The following NFRKB variants were observed in gnomAD, a reference collection of about 807,000 sequenced individuals.
NFRKB encodes nuclear factor related to kappa-B-binding protein.
A neutral mutation model predicts 135.7 loss-of-function variants in NFRKB; 62 were observed. The observed-to-expected ratio is 0.46, with a 90% CI of 0.37 to 0.56. The LOEUF is 0.56. Among genes scored for constraint, NFRKB ranks in the 20% least tolerant of loss-of-function variants. The pLI, the probability that NFRKB is intolerant of heterozygous loss-of-function variation, is 0.00. For missense variants in NFRKB, 1,545 were observed against 1,662.0 expected (o/e 0.93, Z 1.22); for synonymous variants, 678 against 635.6 (o/e 1.07, Z -1.00).
At position 129,885,617 on chromosome 11, in the gene NFRKB, G is replaced by T. The variant is rs1378290945; in HGVS notation, c.466-8C>A. 2 of 1,601,396 alleles carry T rather than the reference G, an allele frequency of 1.2e-6. No homozygotes were observed. Among genetic ancestry groups the T allele is most frequent in the East Asian group, 4.5e-5 (2 of 44,580 alleles). On this transcript the variant is annotated splice_polypyrimidine_tract_variant and splice_region_variant and intron_variant, in intron 5 of 26. Coordinates refer to ENST00000682444, the MANE Select transcript of NFRKB (RefSeq NM_001143835.2). The stretch of plus-strand genomic sequence containing the variant: ...GGCCATCTCCAGCAGATCCTAGGTA[G>T]AGATCAGGTGGGGGTACAAGTCATC...
chr11:129,887,656 G>A (rs898576773), intron 4 of NFRKB, among the ~76,000 whole-genome samples: 3 of 152,142 alleles, frequency 2.0e-5, no homozygotes, highest in Non-Finnish European at 2.9e-5. Context: ...CTAAAGAGAC[G>A]TAAGGCCCAA....
At chr11:129,882,061 C>G (rs1297436972) in intron 11 of NFRKB, 25 bp downstream of exon 11, 2 of 1,572,592 alleles carry the variant, frequency 1.3e-6, no homozygotes, top group East Asian at 2.2e-5. Flanking sequence ...CTCTAATGTA[C>G]CTCCAACTTT....
In NFRKB at chr11:129,892,712, C is replaced by T; in HGVS notation, c.135+3G>A. The T allele has an allele frequency of 3.1e-6, 5 of 1,613,398 alleles. No individual in the cohort carries two copies. The highest frequency in any genetic ancestry group is 4.2e-6 in the Non-Finnish European group (5 of 1,179,996). On this transcript the variant is annotated splice_donor_region_variant and intron_variant, in intron 3 of 26. Transcript: ENST00000682444. Reference sequence around the variant, plus strand: ...AAAAGGTCACAACCGTGTTACTACTCACATCCTCCAGAAGGTCCTCGGGCA... The same window carrying T: ...AAAAGGTCACAACCGTGTTACTACTTACATCCTCCAGAAGGTCCTCGGGCA...
chr11:129,867,322 CTTT>C lies in NFRKB; in HGVS notation c.3532-1342_3532-1340del, dbSNP rs894926200. On this transcript the variant is annotated intron_variant, in intron 24 of 26. Transcript: ENST00000682444. ...CTATGATGCAGAAACCTAAGTAACTCTTTTTTTTTTTTTTTTTTTTTGAGACAG... is the reference window on the plus strand; with the variant it reads ...CTATGATGCAGAAACCTAAGTAACTCTTTTTTTTTTTTTTTTTTGAGACAG... Among the ~76,000 whole-genome samples the C allele has an allele frequency of 2.4e-3, 307 of 129,504 alleles. 6 individuals carry two copies. Among genetic ancestry groups the C allele is most frequent in the Non-Finnish European group, 1.0e-3 (64 of 61,054 alleles). 85.0% of individuals were successfully genotyped at this position (129,504 alleles called of 152,430 possible).
intron 3 of NFRKB, among the ~76,000 whole-genome samples, chr11:129,891,309 C>A (rs1949549906): frequency 6.6e-6 from 1 of 152,134 alleles, no homozygotes; most frequent in Non-Finnish European, 1.5e-5. Flanking sequence ...TAAAATAAGC[C>A]CTGGCAGCAA....
At position 129,874,084 on chromosome 11, in the gene NFRKB, G is replaced by A. The variant is rs372590669; in HGVS notation, c.2279+29C>T. 2.0e-5 allele frequency: 32 copies of A among 1,571,606 alleles called. No homozygotes were observed. The highest frequency in any genetic ancestry group is 3.4e-4 in the Middle Eastern group (2 of 5,878). On this transcript the variant is annotated intron_variant, in intron 21 of 26. Transcript: ENST00000682444. This position sits in a 1 kb window ranked among gnomAD's most constrained non-coding sequence, Gnocchi z 4.5. ...CATGCATACAAAAGAACTCTAGAAC[G>A]AAAAAGCTGAAGAAAAGGAGGAACT...
At chr11:129,876,630 A>AG in intron 17 of NFRKB, 91 bp downstream of exon 17, 1 of 1,376,348 alleles carries the variant, frequency 7.3e-7, no homozygotes, top group African/African-American at 1.5e-5. Flanking sequence ...CCCTGGGTGG[A>AG]GGGGTAAGGA....
intron 11 of NFRKB, 73 bp downstream of exon 11, chr11:129,882,013 C>T: frequency 6.8e-7 from 1 of 1,465,150 alleles, no homozygotes; most frequent in South Asian, 1.3e-5. Context: ...TTCCACTTCT[C>T]AAGCTATAGA....
chr11:129,881,583 C>T (rs1434733563), intron 12 of NFRKB, 75 bp from the exon 13 acceptor site: 5 of 1,600,466 alleles, frequency 3.1e-6, no homozygotes, highest in Non-Finnish European at 4.3e-6. Context: ...GAGTGTTCCA[C>T]AATGTATTAG....
Position 129,872,956 on chromosome 11 carries a change from A to C in NFRKB, c.2691T>G (p.Pro897=), listed in dbSNP as rs1446875152. 1 of 1,614,142 alleles carries C rather than the reference A, an allele frequency of 6.2e-7. No homozygotes were observed. Among genetic ancestry groups the C allele is most frequent in the Non-Finnish European group, 8.5e-7 (1 of 1,179,978 alleles). Residue 897 remains proline, a synonymous_variant, in exon 23 of 27, where the codon CCT becomes CCG. Transcript: ENST00000682444. ...SPVSKPATSS[P]GTSAPSASTA... is the part of the protein sequence containing the mutation. ...TGGAGGCACTGGGAGCAGAGGTCCC[A>C]GGAGAACTCGTGGCTGGCTTACTCA...
At chr11:129,872,524 T>C (rs999289342) in intron 23 of NFRKB, 4 of 182,908 alleles carry the variant, frequency 2.2e-5, no homozygotes, top group African/African-American at 9.4e-5. Context: ...TTCTTTTATA[T>C]TCACAACCAA....
At chr11:129,888,499 G>C (rs780310304) in intron 4 of NFRKB, 95 bp downstream of exon 4, 1 of 1,240,910 alleles carries the variant, frequency 8.1e-7, no homozygotes, top group Non-Finnish European at 1.2e-6. Context: ...TGTACATGAA[G>C]ATAAAAAGAA....
At chr11:129,886,774 C>G (rs1949299040) in intron 4 of NFRKB, among the ~76,000 whole-genome samples, 2 of 152,204 alleles carry the variant, frequency 1.3e-5, no homozygotes, top group African/African-American at 4.8e-5. Flanking sequence ...GACGACCATA[C>G]TGTTTCGGGG....
intron 24 of NFRKB, among the ~76,000 whole-genome samples, chr11:129,868,200 A>G (rs1483734350): frequency 6.6e-6 from 1 of 152,206 alleles, no homozygotes; most frequent in Non-Finnish European, 1.5e-5. Context: ...CTATGTATAT[A>G]AAGAATTCAC....
rs955751753 is a variant in NFRKB, at chr11:129,864,328, T to C, written c.*397A>G. On this transcript the variant is annotated 3_prime_UTR_variant, in exon 27 of 27. Coordinates refer to ENST00000682444, the MANE Select transcript of NFRKB (RefSeq NM_001143835.2). ...GACACAAAACTCCTATCCAGACCAC[T>C]AGTCATGGAGAAGACCAGAAGCCAA... 5.7e-6 allele frequency: 1 copy of C among 174,294 alleles called. No individual in the cohort carries two copies. Among genetic ancestry groups the C allele is most frequent in the African/African-American group, 2.4e-5 (1 of 42,166 alleles). 10.8% of individuals were successfully genotyped at this position (174,294 alleles called of 1,614,324 possible).
chr11:129,886,480 C>T (rs767723481), intron 4 of NFRKB, 36 bp from the exon 5 acceptor site: 1 of 1,586,682 alleles, frequency 6.3e-7, no homozygotes, highest in South Asian at 1.1e-5. Flanking sequence ...TTACATCAAT[C>T]AACAAATATA....
At position 129,884,776 on chromosome 11, in the gene NFRKB, G is replaced by A; in HGVS notation, c.711C>T (p.Pro237=). 1 of 1,614,030 alleles carries A rather than the reference G, an allele frequency of 6.2e-7. No individual in the cohort carries two copies. The highest frequency in any genetic ancestry group is 8.5e-7 in the Non-Finnish European group (1 of 1,179,944). The change falls in exon 7 of 27, where the codon CCC becomes CCT. Residue 237 remains proline (P), a synonymous_variant. Transcript: ENST00000682444. ...TTTTCATATCCGTGGTTGAAAGTGT[G>A]GGCACCACCCGCAGGGGCACCGCAG... ...PSPAVPLRVV[P]TLSTTDMKTA...
intron 3 of NFRKB, among the ~76,000 whole-genome samples, chr11:129,889,511 G>A (rs1949437034): frequency 6.6e-6 from 1 of 151,790 alleles, no homozygotes; most frequent in African/African-American, 2.4e-5. Flanking sequence ...AGCTAAGAGT[G>A]AGAAGAAACA....
Position 129,877,362 on chromosome 11 carries a change from G to C in NFRKB, c.1535C>G (p.Pro512Arg). Residue 512 changes from proline (P) to arginine (R), a missense_variant, in exon 16 of 27, where the codon CCC becomes CGC. Around this residue, in one of 3 missense-constraint regions of NFRKB, gnomAD observed 678 missense variants for 646.7 expected, o/e 1.05. Coordinates refer to ENST00000682444, the MANE Select transcript of NFRKB (RefSeq NM_001143835.2). ...AACCCGTTTCTCCTCCCCCGTGCTG[G>C]GACGCACCACATAGTCAGTTCTTCT... ...PRVRTDYVVR[P>R]STGEEKRVFQ... is the part of the protein sequence containing the mutation. 1 of 1,614,142 alleles carries C rather than the reference G, an allele frequency of 6.2e-7. No individual in the cohort carries two copies. Among genetic ancestry groups the C allele is most frequent in the Non-Finnish European group, 8.5e-7 (1 of 1,180,034 alleles).
Sources: allele counts gnomAD v4.1 joint callset (sites outside exome capture counted in the v4.1 genomes callset), GRCh38; gene constraint gnomAD v4.1.1; regional missense constraint gnomAD v4.1.1; non-coding constraint Gnocchi (gnomAD v3.1); transcripts MANE v1.5; gene names NCBI Gene and HGNC (gene_info 2026-07-23, HGNC 2026-07-21).